The following DOK6 variants were observed in gnomAD, a reference collection of about 807,000 sequenced individuals.
The protein encoded by DOK6 is downstream of tyrosine kinase 6.
DOK6 carries 22 observed loss-of-function variants against 44.0 expected under a neutral mutation model. The observed-to-expected ratio is 0.50, with a 90% CI of 0.36 to 0.71. The LOEUF (loss-of-function observed/expected upper bound fraction) is 0.71, where lower values mean the gene tolerates loss of function less well. DOK6 is among the 30% of genes least tolerant of loss of function. The pLI, the probability that DOK6 is intolerant of heterozygous loss-of-function variation, is 0.00. For missense variants in DOK6, 340 were observed against 416.4 expected (o/e 0.82, Z 1.60); for synonymous variants, 166 against 145.5 (o/e 1.14, Z -1.01).
chr18:69,531,370 G>T (rs1208728730), intron 1 of DOK6, among the ~76,000 whole-genome samples: 2 of 150,868 alleles, frequency 1.3e-5, no homozygotes, highest in African/African-American at 2.4e-5. Context: ...CTGCCAATTT[G>T]CTGGACAGAA....
At chr18:69,717,092 C>G (rs184473803) in intron 5 of DOK6, among the ~76,000 whole-genome samples, 2 of 152,196 alleles carry the variant, frequency 1.3e-5, no homozygotes, top group African/African-American at 2.4e-5. Context: ...ATATTTTAGT[C>G]GATTGCTTTA....
chr18:69,551,461 T>C (rs1982564215), intron 1 of DOK6, among the ~76,000 whole-genome samples: 1 of 152,200 alleles, frequency 6.6e-6, no homozygotes, highest in Non-Finnish European at 1.5e-5. Context: ...TTGATTATCA[T>C]GTAGTCATAA....
chr18:69,821,574 A>T (rs1317258619), intron 7 of DOK6, among the ~76,000 whole-genome samples: 1 of 152,154 alleles, frequency 6.6e-6, no homozygotes, highest in African/African-American at 2.4e-5. Context: ...TTTATGGGGC[A>T]GCAAATCTTT....
At chr18:69,408,455 T>C (rs201305083) in intron 1 of DOK6, among the ~76,000 whole-genome samples, 1 of 144,114 alleles carries the variant, frequency 6.9e-6, no homozygotes, top group African/African-American at 2.6e-5. Context: ...AAAAAAAAAA[T>C]AGAGCACCTT....
At chr18:69,720,554 A>G (rs111908176) in intron 5 of DOK6, among the ~76,000 whole-genome samples, 145 of 152,304 alleles carry the variant, frequency 9.5e-4, no homozygotes, top group African/African-American at 3.4e-3. Context: ...CTACTCAGAT[A>G]TGAATTCATA....
intron 6 of DOK6, among the ~76,000 whole-genome samples, chr18:69,741,221 CAG>C (rs1408841935): frequency 2.6e-5 from 4 of 152,210 alleles, no homozygotes; most frequent in South Asian, 4.1e-4. Context: ...ATTACAAAAT[CAG>C]AGACTCCATC....
At chr18:69,756,346 T>C (rs1272426386) in intron 6 of DOK6, among the ~76,000 whole-genome samples, 1 of 152,154 alleles carries the variant, frequency 6.6e-6, no homozygotes, top group African/African-American at 2.4e-5. Flanking sequence ...CACCTGTTTA[T>C]GTAATAAGCA....
At chr18:69,727,711 G>A (rs11873810) in intron 5 of DOK6, among the ~76,000 whole-genome samples, 16,077 of 152,238 alleles carry the variant, frequency 0.11, 856 homozygotes, top group Middle Eastern at 0.16. Flanking sequence ...TGAAATTGCA[G>A]ATGCTTTACA....
chr18:69,835,146 A>G (rs1212529795), intron 7 of DOK6, among the ~76,000 whole-genome samples: 1 of 152,184 alleles, frequency 6.6e-6, no homozygotes, highest in East Asian at 1.9e-4. Context: ...GGGTGAGGAC[A>G]TAAAGCCTAA....
chr18:69,450,708 T>A (rs1979435552), intron 1 of DOK6, among the ~76,000 whole-genome samples: 1 of 151,242 alleles, frequency 6.6e-6, no homozygotes, highest in Non-Finnish European at 1.5e-5. Flanking sequence ...TAACAGCGGA[T>A]CTCTTGGCAG....
chr18:69,612,408 AG>A (rs1457208045), intron 3 of DOK6, among the ~76,000 whole-genome samples: 1 of 146,680 alleles, frequency 6.8e-6, no homozygotes, highest in Non-Finnish European at 1.5e-5. Context: ...TTTGTGTGCG[AG>A]GGCGCATGTG....
chr18:69,720,525 C>T (rs1202818564), intron 5 of DOK6, among the ~76,000 whole-genome samples: 3 of 152,108 alleles, frequency 2.0e-5, no homozygotes, highest in African/African-American at 4.8e-5. Context: ...GCTTCAAAGT[C>T]GACCAATTTC....
intron 1 of DOK6, among the ~76,000 whole-genome samples, chr18:69,489,846 A>AT (rs2144538593): frequency 6.6e-6 from 1 of 151,450 alleles, no homozygotes; most frequent in Non-Finnish European, 1.5e-5. Flanking sequence ...AAACAGCAGT[A>AT]TTTTTTCCAA....
At chr18:69,783,139 C>T (rs968886276) in intron 7 of DOK6, among the ~76,000 whole-genome samples, 23 of 152,214 alleles carry the variant, frequency 1.5e-4, no homozygotes, top group Non-Finnish European at 3.1e-4. Context: ...CCAGGCTTAC[C>T]TGAGAGAGCA....
At chr18:69,443,284 A>G (rs1404602174) in intron 1 of DOK6, among the ~76,000 whole-genome samples, 2 of 152,188 alleles carry the variant, frequency 1.3e-5, no homozygotes, top group Non-Finnish European at 2.9e-5. Flanking sequence ...CTCTCAGCAA[A>G]AAACTAGAGG....
intron 3 of DOK6, among the ~76,000 whole-genome samples, chr18:69,659,260 A>G (rs4490085): frequency 0.33 from 50,555 of 152,070 alleles, 9,619 homozygotes; most frequent in Admixed American, 0.42. Flanking sequence ...CTGGCCTTTC[A>G]TATTACATAA....
intron 2 of DOK6, among the ~76,000 whole-genome samples, chr18:69,571,045 A>G (rs1423817768): frequency 6.6e-6 from 1 of 152,034 alleles, no homozygotes; most frequent in African/African-American, 2.4e-5. Flanking sequence ...TGTATACATG[A>G]TTTATAATGT....
intron 1 of DOK6, 67 bp downstream of exon 1, chr18:69,401,377 G>C (rs1035314836): frequency 1.5e-5 from 22 of 1,420,322 alleles, no homozygotes; most frequent in South Asian, 1.5e-4. Context: ...CCTGGGGGGG[G>C]GGCAGGGAGA....
At chr18:69,739,864 A>G (rs1978741788) in intron 6 of DOK6, among the ~76,000 whole-genome samples, 1 of 152,084 alleles carries the variant, frequency 6.6e-6, no homozygotes, top group South Asian at 2.1e-4. Flanking sequence ...AGCATCTATA[A>G]TTCTCTTTGT....
Sources: allele counts gnomAD v4.1 joint callset (sites outside exome capture counted in the v4.1 genomes callset), GRCh38; gene constraint gnomAD v4.1.1; transcripts MANE v1.5; gene names NCBI Gene and HGNC (gene_info 2026-07-23, HGNC 2026-07-21).